Variants in GREB1L observed in about 807,000 individuals in gnomAD.
The protein encoded by GREB1L is GREB1-like protein.
In GREB1L, 17 loss-of-function variants were observed where a neutral mutation model predicts 200.8. The ratio of observed to expected loss-of-function variants is 0.08; its 90% CI spans 0.06 to 0.13. GREB1L has a LOEUF of 0.13. GREB1L is among the 10% of genes least tolerant of loss of function. The pLI is 1.00. For missense variants in GREB1L, 1,657 were observed against 2,367.7 expected, an observed-to-expected ratio of 0.70 and a Z score of 6.23; for synonymous variants, 789 against 893.0, an observed-to-expected ratio of 0.88 and a Z score of 2.08.
chr18:21,335,337 A>G (rs2039168138), intron 1 of GREB1L, among the ~76,000 whole-genome samples: 1 of 152,242 alleles, frequency 6.6e-6, no homozygotes, highest in Non-Finnish European at 1.5e-5. Context: ...TTAATAGCAT[A>G]TCATACCTTT....
At chr18:21,498,105 A>T (rs943720670) in intron 21 of GREB1L, among the ~76,000 whole-genome samples, 3 of 152,080 alleles carry the variant, frequency 2.0e-5, no homozygotes, top group Non-Finnish European at 4.4e-5. Context: ...TACAGACGTG[A>T]GCCACCGCGC....
chr18:21,449,876 A>T (rs769885828), intron 12 of GREB1L, 40 bp downstream of exon 12: 2 of 1,381,830 alleles, frequency 1.4e-6, no homozygotes, highest in Non-Finnish European at 1.9e-6. Context: ...TAATCAATTC[A>T]TTCGACCATT....
At chr18:21,507,349 A>G (rs1335016165) in intron 25 of GREB1L, among the ~76,000 whole-genome samples, 2 of 152,340 alleles carry the variant, frequency 1.3e-5, no homozygotes, top group Non-Finnish European at 2.9e-5. Flanking sequence ...TTAAGGGAAG[A>G]AGTGTAATGT....
chr18:21,409,741 G>T (rs985101127), intron 7 of GREB1L, among the ~76,000 whole-genome samples: 13 of 152,094 alleles, frequency 8.5e-5, no homozygotes, highest in African/African-American at 3.1e-4. Flanking sequence ...ACATATATTG[G>T]CTGAAAATTG....
intron 1 of GREB1L, among the ~76,000 whole-genome samples, chr18:21,266,574 C>T (rs1004445731): frequency 2.6e-5 from 4 of 152,166 alleles, no homozygotes; most frequent in African/African-American, 9.7e-5. Flanking sequence ...CTTTTAACTG[C>T]TTTATATATT....
At chr18:21,268,301 T>C (rs545587345) in intron 1 of GREB1L, among the ~76,000 whole-genome samples, 131 of 151,732 alleles carry the variant, frequency 8.6e-4, no homozygotes, top group Non-Finnish European at 1.6e-3. Flanking sequence ...GTGTGCCAAG[T>C]AGACACTAAA....
chr18:21,466,902 G>T (rs964451410), intron 15 of GREB1L, among the ~76,000 whole-genome samples: 1 of 152,096 alleles, frequency 6.6e-6, no homozygotes, highest in African/African-American at 2.4e-5. Context: ...ATGACAAAAT[G>T]ATAAACATAT....
rs144857262 is a variant in GREB1L at position 21,460,431 on chromosome 18, C to A, written c.2182+5868C>A. Among the ~76,000 whole-genome samples, 1,089 of 152,180 alleles carry A rather than the reference C, an allele frequency of 7.2e-3. 22 individuals carry two copies. The highest frequency in any genetic ancestry group is 0.025 in the African/African-American group (1,044 of 41,522). On this transcript the variant is annotated intron_variant, in intron 15 of 32. Coordinates refer to ENST00000424526, the MANE Select transcript of GREB1L (RefSeq NM_001142966.3). ...CACAGACTTGGCTCACTGCAACCTC[C>A]GCCTCCCGGGTTCAAGCGATTCTCC... is the stretch of plus-strand genomic sequence containing the variant.
chr18:21,348,950 A>G (rs1281162105), intron 1 of GREB1L, among the ~76,000 whole-genome samples: 3 of 152,174 alleles, frequency 2.0e-5, no homozygotes, highest in Non-Finnish European at 4.4e-5. Context: ...GTCTTAAAAC[A>G]AGAACAACAA....
intron 7 of GREB1L, among the ~76,000 whole-genome samples, chr18:21,429,109 C>CCCTT (rs138864682): frequency 0.06 from 6,548 of 109,918 alleles, 376 homozygotes; most frequent in Non-Finnish European, 0.077. Context: ...AAACTATTCT[C>CCCTT]CCTTCCTTCC....
At chr18:21,391,104 G>A (rs1202311543) in intron 4 of GREB1L, among the ~76,000 whole-genome samples, 3 of 152,182 alleles carry the variant, frequency 2.0e-5, no homozygotes, top group East Asian at 3.8e-4. Flanking sequence ...TTTACAAAGT[G>A]TACAGTAATG....
chr18:21,374,040 C>A (rs1166654637), intron 2 of GREB1L, among the ~76,000 whole-genome samples: 7 of 151,954 alleles, frequency 4.6e-5, no homozygotes, highest in Non-Finnish European at 1.0e-4. Context: ...TTCACTCTGT[C>A]ACCCAGGCTG....
At chr18:21,260,992 CTGAG>C (rs1228125493) in intron 1 of GREB1L, among the ~76,000 whole-genome samples, 1 of 151,666 alleles carries the variant, frequency 6.6e-6, no homozygotes, top group Non-Finnish European at 1.5e-5. Flanking sequence ...TAGTATGATA[CTGAG>C]TATTATTTTT....
At chr18:21,364,836 CTT>C (rs113605319) in intron 1 of GREB1L, among the ~76,000 whole-genome samples, 3,594 of 141,666 alleles carry the variant, frequency 0.025, 147 homozygotes, top group African/African-American at 0.086. Flanking sequence ...AGATTACTGA[CTT>C]TTTTTTTTTT....
chr18:21,243,165 G>A (rs2143783870), intron 1 of GREB1L, among the ~76,000 whole-genome samples: 1 of 152,218 alleles, frequency 6.6e-6, no homozygotes, highest in African/African-American at 2.4e-5. Flanking sequence ...CGGGGAGGGT[G>A]AGGGAGACTC....
intron 1 of GREB1L, among the ~76,000 whole-genome samples, chr18:21,324,357 A>G (rs1436525386): frequency 6.6e-6 from 1 of 152,162 alleles, no homozygotes; most frequent in Non-Finnish European, 1.5e-5. Context: ...CCCTATTTCT[A>G]TGGTATAATT....
chr18:21,495,443 G>GC (rs1284929863), intron 19 of GREB1L, among the ~76,000 whole-genome samples: 1 of 152,180 alleles, frequency 6.6e-6, no homozygotes, highest in Admixed American at 6.5e-5. Context: ...AGGTATACCA[G>GC]CATCTCCGTT....
chr18:21,413,904 A>T (rs1336687927), intron 7 of GREB1L, among the ~76,000 whole-genome samples: 1 of 152,218 alleles, frequency 6.6e-6, no homozygotes, highest in East Asian at 1.9e-4. Flanking sequence ...CACTAGCCAA[A>T]ATATTTTATT....
At chr18:21,416,544 T>C (rs372847201) in intron 7 of GREB1L, among the ~76,000 whole-genome samples, 13 of 151,830 alleles carry the variant, frequency 8.6e-5, no homozygotes, top group Non-Finnish European at 1.8e-4. Flanking sequence ...TACAAAAAAT[T>C]AGCCGGGCGT....
Sources: gnomAD v4.1 joint callset for allele counts (sites outside exome capture counted in the v4.1 genomes callset) on GRCh38, gnomAD v4.1.1 for gene constraint, MANE v1.5 for transcripts, NCBI Gene and HGNC (gene_info 2026-07-23, HGNC 2026-07-21) for gene names.